The following FEM1C variants were observed in gnomAD, a reference collection of about 807,000 sequenced individuals.
The protein encoded by FEM1C is protein fem-1 homolog C.
A neutral mutation model predicts 37.6 loss-of-function variants in FEM1C; 15 were observed. That is an observed-to-expected ratio of 0.40 (90% CI 0.27 to 0.61). FEM1C has a LOEUF of 0.61. Ranked by LOEUF, FEM1C falls within the 20% of genes least tolerant of loss-of-function variation. The pLI is 0.42. For synonymous variants in FEM1C, 287 were observed against 272.8 expected (o/e 1.05, Z -0.51); for missense variants, 532 against 749.7 (o/e 0.71, Z 3.39).
chr5:115,543,269 A>G lies in FEM1C; in HGVS notation c.225T>C (p.Asn75=), dbSNP rs529108074. The G allele has an allele frequency of 2.5e-6, 4 of 1,614,178 alleles. No homozygotes were observed. Among genetic ancestry groups the G allele is most frequent in the East Asian group, 2.2e-5 (1 of 44,882 alleles). The change falls in exon 2 of 3, where the codon AAT becomes AAC. Residue 75 remains asparagine, a synonymous_variant. Transcript: ENST00000274457. The part of the protein sequence containing the change: ...SASIEVGGSV[N]FDGETIEGAP... Reference sequence around the variant, plus strand: ...CCCCCTCAATGGTTTCGCCATCAAAATTGACGGAGCCCCCAACTTCTATGG... The same window carrying G: ...CCCCCTCAATGGTTTCGCCATCAAAGTTGACGGAGCCCCCAACTTCTATGG...
intron 1 of FEM1C, 125 bp from the exon 2 acceptor site, chr5:115,543,808 C>G: frequency 3.8e-6 from 4 of 1,042,622 alleles, no homozygotes; most frequent in Non-Finnish European, 4.6e-6. Flanking sequence ...CTCCATCCCA[C>G]ACACCCCCCC....
At chr5:115,529,863 A>AT (rs760057122) in intron 2 of FEM1C, among the ~76,000 whole-genome samples, 254 of 152,000 alleles carry the variant, frequency 1.7e-3, no homozygotes, top group Non-Finnish European at 1.1e-3. Context: ...ACATAACTAC[A>AT]TTTTCTCTAA....
In FEM1C at chr5:115,525,066, C is replaced by G; in HGVS notation, c.1096G>C (p.Asp366His). ...GGATCCAAATTGCTCTGCTGCATAT[C>G]CAAAGCATACTTCCATAGGTTGATG... ...RCINLWKYAL[D>H]MQQSNLDPLS... Residue 366 changes from aspartate (D) to histidine (H), a missense_variant, in exon 3 of 3, where the codon GAT (aspartate) becomes CAT (histidine). By Grantham distance (81) the Asp-to-His change is moderately conservative (BLOSUM62 -1). Around this residue, in one of 3 missense-constraint regions of FEM1C, gnomAD observed 221 missense variants for 404.1 expected, o/e 0.55. Transcript: ENST00000274457. The G allele has an allele frequency of 6.2e-7, 1 of 1,613,724 alleles. No homozygotes were observed.
rs1753812577 is a variant in FEM1C, at chr5:115,523,266, A to T, written c.*1042T>A. The T allele has an allele frequency of 6.6e-6, 1 of 152,454 alleles. No homozygotes were observed. The highest frequency in any genetic ancestry group is 2.1e-4 in the South Asian group (1 of 4,834). 9.4% of individuals were successfully genotyped at this position (152,454 alleles called of 1,614,324 possible). A position where few individuals can be genotyped will look rare whatever the true frequency, so the allele number is the denominator to read the frequency against. On this transcript the variant is annotated 3_prime_UTR_variant, in exon 3 of 3. Transcript: ENST00000274457. ...AAGCATCATGCCACTGACATGCTTT[A>T]GCTCTTTTTGTAACTAAAAGTGATT...
At position 115,525,571 on chromosome 5, in the gene FEM1C, G is replaced by C; in HGVS notation, c.591C>G (p.Ile197Met). The C allele has an allele frequency of 6.2e-7, 1 of 1,613,432 alleles. No individual in the cohort carries two copies. Among genetic ancestry groups the C allele is most frequent in the Non-Finnish European group, 8.5e-7 (1 of 1,179,702 alleles). ...HDCAESGSLD[I>M]MKMLLMYCAK... ...CACAATACATAAGAAGCATCTTCAT[G>C]ATGTCCAAACTTCCAGATTCTGCAC... The change falls in exon 3 of 3, where the codon ATC becomes ATG. Residue 197 changes from isoleucine to methionine, a missense_variant. Transcript: ENST00000274457.
intron 2 of FEM1C, among the ~76,000 whole-genome samples, chr5:115,538,598 A>G (rs1014871906): frequency 5.3e-5 from 8 of 151,934 alleles, no homozygotes; most frequent in Non-Finnish European, 8.8e-5. Flanking sequence ...ATGCAGTTAG[A>G]TAAGTTTCTC....
At position 115,525,729 on chromosome 5, in the gene FEM1C, A is replaced by G. The variant is rs1753877117; in HGVS notation, c.545-112T>C. 7.4e-6 allele frequency: 6 copies of G among 813,656 alleles called. No homozygotes were observed. In the South Asian group the frequency reaches 1.3e-4, roughly 18 times the overall value. 50.4% of individuals were successfully genotyped at this position (813,656 alleles called of 1,614,324 possible). On this transcript the variant is annotated intron_variant, in intron 2 of 2. Coordinates refer to ENST00000274457, the MANE Select transcript of FEM1C (RefSeq NM_020177.3). ...AAAAGCAGGAAGCTTTAAGTTCCTA[A>G]GTAGGACATACTTGGTTTACAAACG...
chr5:115,530,447 A>C (rs938638873), intron 2 of FEM1C, among the ~76,000 whole-genome samples: 3 of 152,176 alleles, frequency 2.0e-5, no homozygotes, highest in South Asian at 2.1e-4. Context: ...ACATTAGTAC[A>C]TCTAAACATA....
chr5:115,535,861 A>G (rs544240292), intron 2 of FEM1C, among the ~76,000 whole-genome samples: 1 of 152,070 alleles, frequency 6.6e-6, no homozygotes, highest in East Asian at 1.9e-4. Flanking sequence ...TGATATATCT[A>G]TTTCAATGGA....
chr5:115,533,564 T>C (rs1754060290), intron 2 of FEM1C, among the ~76,000 whole-genome samples: 1 of 152,002 alleles, frequency 6.6e-6, no homozygotes, highest in South Asian at 2.1e-4. Flanking sequence ...TTTAAAGTTT[T>C]GGTGCATAAC....
At chr5:115,538,997 G>A (rs761396571) in intron 2 of FEM1C, among the ~76,000 whole-genome samples, 9 of 151,946 alleles carry the variant, frequency 5.9e-5, no homozygotes, top group Admixed American at 3.9e-4. Flanking sequence ...CTATAGCATG[G>A]ATTGCTTATA....
rs768301943 is a variant in FEM1C, at chr5:115,543,316, G to A, written c.178C>T (p.Leu60Phe). 1.2e-6 allele frequency: 2 copies of A among 1,614,202 alleles called. No homozygotes were observed. Among genetic ancestry groups the A allele is most frequent in the Non-Finnish European group, 1.7e-6 (2 of 1,180,038 alleles). Residue 60 changes from leucine (L) to phenylalanine (F), a missense_variant, in exon 2 of 3, where the codon CTC becomes TTC. This residue lies in a region of FEM1C where 74 missense variants were observed against 85.0 expected (regional missense o/e 0.87). Coordinates refer to ENST00000274457, the MANE Select transcript of FEM1C (RefSeq NM_020177.3). ...ATGGAGGCACTGCATTGCTCTAGGA[G>A]GAATTCCACCATGTCAAGGTGCCCA... ...RYGHLDMVEF[L>F]LEQCSASIEV... is the part of the protein sequence containing the mutation.
intron 2 of FEM1C, among the ~76,000 whole-genome samples, chr5:115,538,056 A>T (rs1044497447): frequency 6.6e-6 from 1 of 152,064 alleles, no homozygotes; most frequent in Admixed American, 6.6e-5. Context: ...GAAATAATAT[A>T]AAGCCTTGGA....
At position 115,524,865 on chromosome 5, in the gene FEM1C, C is replaced by G. The variant is rs768701493; in HGVS notation, c.1297G>C (p.Ala433Pro). ...GCCTTATTTAACTGTAATGGGTCAGCTGGACACTGAGTTTGTTTGATAGCT... is the reference window on the plus strand; with the variant it reads ...GCCTTATTTAACTGTAATGGGTCAGGTGGACACTGAGTTTGTTTGATAGCT... ...ERAIKQTQCP[A>P]DPLQLNKALS... is the part of the protein sequence containing the mutation. Residue 433 changes from alanine to proline, a missense_variant, in exon 3 of 3, where the codon GCT (alanine) becomes CCT (proline). Around this residue, in one of 3 missense-constraint regions of FEM1C, gnomAD observed 237 missense variants for 260.5 expected, o/e 0.91. Transcript: ENST00000274457. The G allele has an allele frequency of 1.9e-6, 3 of 1,613,490 alleles. No individual in the cohort carries two copies. Among genetic ancestry groups the G allele is most frequent in the Non-Finnish European group, 2.5e-6 (3 of 1,179,784 alleles).
In FEM1C at chr5:115,525,025, G is replaced by A. The variant is rs17852534; in HGVS notation, c.1137C>T (p.Thr379=). 69 of 1,613,456 alleles carry A rather than the reference G, an allele frequency of 4.3e-5. No individual in the cohort carries two copies. Among genetic ancestry groups the A allele is most frequent in the Middle Eastern group, 1.6e-4 (1 of 6,076 alleles). ...QSNLDPLSPM[T]ASSLLSFAEL... Reference sequence around the variant, plus strand: ...CTGCAAAAGATAATAAGCTGCTGGCGGTCATTGGGCTTAAAGGATCCAAAT... The same window carrying A: ...CTGCAAAAGATAATAAGCTGCTGGCAGTCATTGGGCTTAAAGGATCCAAAT... The change falls in exon 3 of 3, where the codon ACC becomes ACT. Residue 379 remains threonine, a synonymous_variant. Transcript: ENST00000274457.
At chr5:115,533,235 A>G (rs528045607) in intron 2 of FEM1C, among the ~76,000 whole-genome samples, 54 of 152,116 alleles carry the variant, frequency 3.5e-4, no homozygotes, top group Middle Eastern at 3.4e-3. Context: ...GGTAAATAGA[A>G]TATTTTCTCA....
intron 2 of FEM1C, among the ~76,000 whole-genome samples, chr5:115,539,815 A>C (rs1754202844): frequency 6.6e-6 from 1 of 152,026 alleles, no homozygotes; most frequent in Non-Finnish European, 1.5e-5. Flanking sequence ...GGACTCAACA[A>C]CTGCTCTCTC....
At chr5:115,538,995 T>G (rs776274651) in intron 2 of FEM1C, among the ~76,000 whole-genome samples, 1 of 152,026 alleles carries the variant, frequency 6.6e-6, no homozygotes, top group Non-Finnish European at 1.5e-5. Context: ...TCCTATAGCA[T>G]GGATTGCTTA....
chr5:115,525,881 G>A (rs1753880476), intron 2 of FEM1C, among the ~76,000 whole-genome samples: 1 of 151,948 alleles, frequency 6.6e-6, no homozygotes, highest in Admixed American at 6.6e-5. Flanking sequence ...CTAATCCATG[G>A]TCTCTTCGTA....
Sources: gnomAD v4.1 joint callset for allele counts (sites outside exome capture counted in the v4.1 genomes callset) on GRCh38, gnomAD v4.1.1 for gene constraint, gnomAD v4.1.1 regional missense constraint, MANE v1.5 for transcripts, NCBI Gene and HGNC (gene_info 2026-07-23, HGNC 2026-07-21) for gene names.